Variants in STXBP5L observed in about 807,000 individuals in gnomAD.
The protein encoded by STXBP5L is syntaxin-binding protein 5-like.
Under a neutral mutation model 144.5 loss-of-function variants are expected in STXBP5L, and 65 were observed. The ratio of observed to expected loss-of-function variants is 0.45; its 90% CI spans 0.37 to 0.55. STXBP5L has a LOEUF of 0.55. Ranked by LOEUF, STXBP5L falls within the 20% of genes least tolerant of loss-of-function variation. STXBP5L has a pLI of 0.00. For synonymous variants in STXBP5L, 505 were observed against 469.6 expected (o/e 1.08, Z -0.97); for missense variants, 1,298 against 1,405.5 (o/e 0.92, Z 1.22).
chr3:121,034,661 G>A (rs1946631234), intron 3 of STXBP5L, among the ~76,000 whole-genome samples: 1 of 151,840 alleles, frequency 6.6e-6, no homozygotes, highest in African/African-American at 2.4e-5. Context: ...ATCTGCTATT[G>A]CGAATAGTGC....
intron 6 of STXBP5L, among the ~76,000 whole-genome samples, chr3:121,117,471 CTG>C (rs2044282011): frequency 6.6e-6 from 1 of 151,760 alleles, no homozygotes. Context: ...TCTCCTGGAA[CTG>C]TCTTTTCATT....
chr3:121,068,465 CATT>C lies in STXBP5L; in HGVS notation c.470+22932_470+22934del, dbSNP rs577245352. ...TATTATCCTATTTTTCTCTATATGA[CATT>C]AATATGTATTTTTTCACGCTTTTTG... On this transcript the variant is annotated intron_variant, in intron 5 of 26. Coordinates refer to ENST00000471454, the MANE Select transcript of STXBP5L (RefSeq NM_001308330.2). Among the ~76,000 whole-genome samples the C allele has an allele frequency of 8.6e-5, 13 of 152,020 alleles. No individual in the cohort carries two copies. In the South Asian group the frequency reaches 2.1e-3, roughly 24 times the overall value.
At chr3:121,111,844 A>G (rs1026203329) in intron 5 of STXBP5L, among the ~76,000 whole-genome samples, 2 of 151,684 alleles carry the variant, frequency 1.3e-5, no homozygotes, top group Non-Finnish European at 3.0e-5. Flanking sequence ...CCACTGATCC[A>G]TGGAGAGAGA....
intron 9 of STXBP5L, among the ~76,000 whole-genome samples, chr3:121,180,843 A>G (rs2047114926): frequency 6.6e-6 from 1 of 152,174 alleles, no homozygotes. Flanking sequence ...ATTGCACTCC[A>G]GCCTGGACAA....
At chr3:121,294,864 G>T (rs1023421938) in intron 19 of STXBP5L, among the ~76,000 whole-genome samples, 16 of 152,270 alleles carry the variant, frequency 1.1e-4, no homozygotes, top group East Asian at 1.9e-4. Flanking sequence ...AGCTAAGTAG[G>T]ATAGGTTCAG....
chr3:120,998,530 C>G (rs781048884), intron 3 of STXBP5L, among the ~76,000 whole-genome samples: 24 of 152,126 alleles, frequency 1.6e-4, no homozygotes, highest in Non-Finnish European at 3.2e-4. Context: ...TATCCCTCCC[C>G]TAGCTGACCA....
chr3:121,027,026 T>G (rs764217779), intron 3 of STXBP5L, among the ~76,000 whole-genome samples: 1 of 151,830 alleles, frequency 6.6e-6, no homozygotes, highest in African/African-American at 2.4e-5. Flanking sequence ...TATGCCAAAG[T>G]GGCATATATT....
chr3:121,040,295 A>T (rs1947058833), intron 3 of STXBP5L, among the ~76,000 whole-genome samples: 2 of 152,084 alleles, frequency 1.3e-5, no homozygotes, highest in African/African-American at 2.4e-5. Flanking sequence ...GGTTTTAAGT[A>T]CTGCTAAGCA....
chr3:121,407,292 C>A lies in STXBP5L; in HGVS notation c.2637C>A (p.Asp879Glu). 6.2e-7 allele frequency: 1 copy of A among 1,608,736 alleles called. No individual in the cohort carries two copies. The highest frequency in any genetic ancestry group is 8.5e-7 in the Non-Finnish European group (1 of 1,177,562). ...KGAVLTFSCM[D>E]RMGGLMQPPY... ...CTGTGCTAACATTCTCCTGTATGGA[C>A]CGAATGGGTGGATTAATGCAACCGC... Residue 879 changes from aspartate (D) to glutamate (E), a missense_variant, in exon 23 of 27, where the codon GAC becomes GAA. Transcript: ENST00000471454.
chr3:121,419,655 TCTC>T lies in STXBP5L; in HGVS notation c.*562_*564del, dbSNP rs1415913599. 1 of 152,274 alleles carries T rather than the reference TCTC, an allele frequency of 6.6e-6. No homozygotes were observed. Among genetic ancestry groups the T allele is most frequent in the Admixed American group, 6.6e-5 (1 of 15,264 alleles). 9.4% of individuals were successfully genotyped at this position (152,274 alleles called of 1,614,324 possible). A position where few individuals can be genotyped will look rare whatever the true frequency, so the allele number is the denominator to read the frequency against. Reference sequence around the variant, plus strand: ...AAAACAAAACAAGAACCCAGAGTTTTCTCCTCATCTGTAACTTTCATTGTACTA... The same window carrying T: ...AAAACAAAACAAGAACCCAGAGTTTTCTCATCTGTAACTTTCATTGTACTA... On this transcript the variant is annotated 3_prime_UTR_variant, in exon 27 of 27. Coordinates refer to ENST00000471454, the MANE Select transcript of STXBP5L (RefSeq NM_001308330.2).
intron 5 of STXBP5L, among the ~76,000 whole-genome samples, chr3:121,054,734 TATA>T (rs1366991870): frequency 2.6e-5 from 4 of 152,078 alleles, no homozygotes; most frequent in Non-Finnish European, 4.4e-5. Flanking sequence ...AAACTTAAAG[TATA>T]ATAATAATAA....
intron 3 of STXBP5L, among the ~76,000 whole-genome samples, chr3:120,958,246 T>TTG (rs1181352107): frequency 6.6e-6 from 1 of 152,174 alleles, no homozygotes; most frequent in African/African-American, 2.4e-5. Flanking sequence ...TAACAGGATC[T>TTG]GAAATTGAGG....
Position 121,160,668 on chromosome 3 carries a change from A to C in STXBP5L, c.877+3041A>C, listed in dbSNP as rs556191338. Among the ~76,000 whole-genome samples, 3 of 152,200 alleles carry C rather than the reference A, an allele frequency of 2.0e-5. No homozygotes were observed. The South Asian group carries it at 6.2e-4, about 32-fold the overall frequency. Reference sequence around the variant, plus strand: ...TTGAGTCTTGTGCTTTTATCTAGTCAGAGTTCAATCTATTAATATTAAATG... The same window carrying C: ...TTGAGTCTTGTGCTTTTATCTAGTCCGAGTTCAATCTATTAATATTAAATG... On this transcript the variant is annotated intron_variant, in intron 9 of 26. Coordinates refer to ENST00000471454, the MANE Select transcript of STXBP5L (RefSeq NM_001308330.2).
intron 14 of STXBP5L, among the ~76,000 whole-genome samples, chr3:121,243,392 G>C (rs111402182): frequency 0.016 from 2,506 of 152,186 alleles, 63 homozygotes; most frequent in African/African-American, 0.057. Flanking sequence ...TAAAAGGTTT[G>C]AGAGGCTCTT....
chr3:121,066,453 C>T (rs2331539), intron 5 of STXBP5L, among the ~76,000 whole-genome samples: 79,170 of 150,886 alleles, frequency 0.52, 21,303 homozygotes, highest in African/African-American at 0.62. Flanking sequence ...TTCTCATGCA[C>T]CTATTGAGAT....
At chr3:121,124,565 C>T (rs747336476) in intron 7 of STXBP5L, among the ~76,000 whole-genome samples, 2 of 151,938 alleles carry the variant, frequency 1.3e-5, no homozygotes, top group South Asian at 2.1e-4. Context: ...GTGACTTAAT[C>T]TTCTTAAAGA....
At chr3:121,294,778 A>AAAAAC (rs961797879) in intron 19 of STXBP5L, among the ~76,000 whole-genome samples, 6 of 152,270 alleles carry the variant, frequency 3.9e-5, no homozygotes, top group South Asian at 4.1e-4. Context: ...TCACAGAAGA[A>AAAAAC]AAAACAAAAC....
At chr3:120,917,446 G>T (rs1268176577) in intron 2 of STXBP5L, among the ~76,000 whole-genome samples, 3 of 152,124 alleles carry the variant, frequency 2.0e-5, no homozygotes, top group South Asian at 2.1e-4. Context: ...GTACACTGTA[G>T]GGGTGGTGAT....
In STXBP5L at chr3:121,255,102, C is replaced by T; in HGVS notation, c.1649C>T (p.Thr550Ile). ...AAATTCAGCAGACATGAAATTACAA[C>T]AGAAATAGTGGTAAGTTATTTAAAA... ...IYKFSRHEIT[T>I]EIVSLEVRLQ... The change falls in exon 16 of 27, where the codon ACA (threonine) becomes ATA (isoleucine). Residue 550 changes from threonine to isoleucine, a missense_variant. Physicochemically the swap from Thr to Ile is moderately conservative, Grantham distance 89. Coordinates refer to ENST00000471454, the MANE Select transcript of STXBP5L (RefSeq NM_001308330.2). 6.3e-7 allele frequency: 1 copy of T among 1,585,544 alleles called. No individual in the cohort carries two copies. Among genetic ancestry groups the T allele is most frequent in the Non-Finnish European group, 8.6e-7 (1 of 1,166,964 alleles).
Sources: allele counts gnomAD v4.1 joint callset (sites outside exome capture counted in the v4.1 genomes callset), GRCh38; gene constraint gnomAD v4.1.1; transcripts MANE v1.5; gene names NCBI Gene and HGNC (gene_info 2026-07-23, HGNC 2026-07-21).